Variants in AR observed in about 807,000 individuals in gnomAD.
AR encodes androgen receptor.
AR carries 8 observed loss-of-function variants against 53.9 expected under a neutral mutation model. The ratio of observed to expected loss-of-function variants is 0.15; its 90% CI spans 0.09 to 0.27. AR has a LOEUF of 0.27. Ranked by LOEUF, AR falls within the 10% of genes least tolerant of loss-of-function variation. AR has a pLI of 1.00. For synonymous variants in AR, 359 were observed against 316.4 expected, an observed-to-expected ratio of 1.13 and a Z score of -1.43; for missense variants, 639 against 742.5, an observed-to-expected ratio of 0.86 and a Z score of 1.62.
chrX:67,727,744 GCTGA>G lies in AR; in HGVS notation c.*3907_*3910del, dbSNP rs781348237. Reference sequence around the variant, plus strand: ...CTGCATAGCCCTGGAAAAATAAGAGGCTGACTGTCTACGAATTATCTTGTGCCAG... The same window carrying G: ...CTGCATAGCCCTGGAAAAATAAGAGGCTGTCTACGAATTATCTTGTGCCAG... On this transcript the variant is annotated 3_prime_UTR_variant, in exon 8 of 8. Coordinates refer to ENST00000374690, the MANE Select transcript of AR (RefSeq NM_000044.6). The G allele has an allele frequency of 9.9e-5, 17 of 171,660 alleles. No homozygotes were observed. The South Asian group carries it at 2.5e-3, about 25-fold the overall frequency. The allele number at this position is 171,660 out of a possible 1,213,427, so 14.1% of individuals were successfully genotyped here. A position where few individuals can be genotyped will look rare whatever the true frequency, so the allele number is the denominator to read the frequency against.
chrX:67,549,088 A>G (rs1929891971), intron 1 of AR, among the ~76,000 whole-genome samples: 1 of 112,462 alleles, frequency 8.9e-6, no homozygotes, highest in Non-Finnish European at 1.9e-5. Flanking sequence ...CTTTCTTTTT[A>G]TTGAAAATTA....
intron 1 of AR, among the ~76,000 whole-genome samples, chrX:67,626,626 A>G (rs61628169): frequency 2.4e-3 from 238 of 99,424 alleles, no homozygotes; most frequent in African/African-American, 8.3e-3. Flanking sequence ...ATATATATAT[A>G]TATATATATT....
intron 1 of AR, among the ~76,000 whole-genome samples, chrX:67,623,595 A>C: frequency 9.0e-6 from 1 of 111,415 alleles, no homozygotes; most frequent in East Asian, 2.8e-4. Flanking sequence ...CTAGGAAAGG[A>C]ACAGCAAACT....
At chrX:67,667,069 G>T (rs1468395559) in intron 2 of AR, among the ~76,000 whole-genome samples, 2 of 111,227 alleles carry the variant, frequency 1.8e-5, no homozygotes, top group African/African-American at 6.5e-5. Flanking sequence ...TTAACTTGAT[G>T]TGACCTCATT....
chrX:67,689,532 C>T (rs1481819808), intron 3 of AR: 1 of 951,181 alleles, frequency 1.1e-6, no homozygotes, highest in Non-Finnish European at 1.3e-6. Flanking sequence ...GGCCTACCTA[C>T]CTGTTTCTTG....
rs147845373 is a variant in AR, at chrX:67,628,827, T to A, written c.1617-14429T>A. ...ATACGGCCCATCAATACCTAATTTA[T>A]TGAGAGTTTTTAGCATGAAGCGTTA... On this transcript the variant is annotated intron_variant, in intron 1 of 7. Transcript: ENST00000374690. Among the ~76,000 whole-genome samples, 894 of 111,927 alleles carry A rather than the reference T, an allele frequency of 8.0e-3. 7 individuals carry two copies. Among genetic ancestry groups the A allele is most frequent in the African/African-American group, 0.028 (852 of 30,773 alleles).
intron 2 of AR, among the ~76,000 whole-genome samples, chrX:67,655,651 A>G (rs1426124213): frequency 9.0e-6 from 1 of 111,267 alleles, no homozygotes; most frequent in East Asian, 2.8e-4. Flanking sequence ...TAGGTCTAAT[A>G]TCCGTTAGTA....
At chrX:67,698,451 T>C (rs1406479055) in intron 3 of AR, among the ~76,000 whole-genome samples, 1 of 112,887 alleles carries the variant, frequency 8.9e-6, no homozygotes, top group Non-Finnish European at 1.9e-5. Context: ...ACTGTCATTG[T>C]CCCCAGCCCT....
intron 1 of AR, among the ~76,000 whole-genome samples, chrX:67,623,222 G>A (rs1450149008): frequency 9.1e-6 from 1 of 110,257 alleles, no homozygotes; most frequent in Non-Finnish European, 1.9e-5. Context: ...GCTAGCAAAC[G>A]TTGTGAAAAT....
At chrX:67,610,933 T>G (rs1923852770) in intron 1 of AR, among the ~76,000 whole-genome samples, 1 of 111,734 alleles carries the variant, frequency 8.9e-6, no homozygotes. Context: ...AGTTGCTTAA[T>G]TTCTTTGCCT....
chrX:67,587,449 A>G (rs1162154966), intron 1 of AR, among the ~76,000 whole-genome samples: 1 of 112,487 alleles, frequency 8.9e-6, no homozygotes, highest in African/African-American at 3.2e-5. Flanking sequence ...CCTGTTTGAA[A>G]ATCACACTTT....
intron 3 of AR, among the ~76,000 whole-genome samples, chrX:67,700,292 C>A (rs1322293778): frequency 9.0e-6 from 1 of 111,703 alleles, no homozygotes; most frequent in Non-Finnish European, 1.9e-5. Flanking sequence ...GGCAAGCTGA[C>A]CTGTATCTTA....
chrX:67,599,794 G>T (rs1169908475), intron 1 of AR, among the ~76,000 whole-genome samples: 1 of 112,070 alleles, frequency 8.9e-6, no homozygotes, highest in Non-Finnish European at 1.9e-5. Flanking sequence ...ATGATGATTT[G>T]TTTTTTATTT....
intron 1 of AR, among the ~76,000 whole-genome samples, chrX:67,575,747 T>G (rs972501119): frequency 1.8e-5 from 2 of 111,858 alleles, no homozygotes; most frequent in Non-Finnish European, 3.8e-5. Flanking sequence ...ATACAACAGT[T>G]TAGCTTGCTA....
intron 2 of AR, among the ~76,000 whole-genome samples, chrX:67,665,635 TAC>T (rs1428083409): frequency 9.0e-6 from 1 of 111,314 alleles, no homozygotes; most frequent in Non-Finnish European, 1.9e-5. Context: ...GCCCATCATG[TAC>T]ACACACATCT....
In AR at chrX:67,546,209, G is replaced by C. The variant is rs367604031; in HGVS notation, c.1063G>C (p.Glu355Gln). 4.4e-5 allele frequency: 53 copies of C among 1,210,300 alleles called. No homozygotes were observed. Among genetic ancestry groups the C allele is most frequent in the Non-Finnish European group, 5.7e-5 (51 of 895,099 alleles). The change falls in exon 1 of 8, where the codon GAG (glutamate) becomes CAG (glutamine). Residue 355 changes from glutamate (E) to glutamine (Q), a missense_variant. Glu to Gln is a conservative substitution (Grantham distance 29). Coordinates refer to ENST00000374690, the MANE Select transcript of AR (RefSeq NM_000044.6). ...LSLYKSGALD[E>Q]AAAYQSRDYY... ...TCTCTACAAGTCCGGAGCACTGGAC[G>C]AGGCAGCTGCGTACCAGAGTCGCGA...
intron 3 of AR, 106 bp downstream of exon 3, chrX:67,686,232 A>C: frequency 8.8e-5 from 78 of 886,288 alleles, no homozygotes. Flanking sequence ...TTCCAAGGGG[A>C]CCAGCCATGC....
chrX:67,625,347 T>A, intron 1 of AR, among the ~76,000 whole-genome samples: 1 of 111,452 alleles, frequency 9.0e-6, no homozygotes, highest in Non-Finnish European at 1.9e-5. Context: ...CCCCAAAGAT[T>A]GAAGGAAATC....
intron 3 of AR, chrX:67,694,579 A>C (rs1395852218): frequency 9.4e-7 from 1 of 1,064,552 alleles, no homozygotes; most frequent in Admixed American, 3.3e-5. Context: ...TTCCTATGTT[A>C]GAGGATCTGT....
Sources: allele counts gnomAD v4.1 joint callset (sites outside exome capture counted in the v4.1 genomes callset), GRCh38; gene constraint gnomAD v4.1.1; transcripts MANE v1.5; gene names NCBI Gene and HGNC (gene_info 2026-07-23, HGNC 2026-07-21).